POLB: variants seen among roughly 807,000 people sequenced by gnomAD.
The protein encoded by POLB is 5'-dRP lyase.
POLB carries 37 observed loss-of-function variants against 52.7 expected under a neutral mutation model. The observed-to-expected ratio is 0.70, with a 90% CI of 0.54 to 0.92. POLB has a LOEUF of 0.92. Among genes scored for constraint, POLB ranks in the 40% least tolerant of loss-of-function variants. The pLI, the probability that POLB is intolerant of heterozygous loss-of-function variation, is 0.00. For missense variants in POLB, 313 were observed against 400.8 expected, an observed-to-expected ratio of 0.78 and a Z score of 1.87; for synonymous variants, 138 against 131.3, an observed-to-expected ratio of 1.05 and a Z score of -0.35.
At chr8:42,347,254 TACTCCTCAGTA>T (rs1822678706) in intron 3 of POLB, among the ~76,000 whole-genome samples, 1 of 150,464 alleles carries the variant, frequency 6.6e-6, no homozygotes, top group Non-Finnish European at 1.5e-5. Context: ...TTTCTGGAAT[TACTCCTCAGTA>T]ATTCTAGAAA....
intron 13 of POLB, among the ~76,000 whole-genome samples, chr8:42,371,194 G>T (rs1010517085): frequency 3.9e-5 from 6 of 152,166 alleles, no homozygotes; most frequent in Non-Finnish European, 8.8e-5. Flanking sequence ...CACATTCTCG[G>T]CTCACTGCAA....
intron 2 of POLB, chr8:42,341,776 T>G (rs3136722): frequency 2.2e-6 from 1 of 460,360 alleles, no homozygotes; most frequent in South Asian, 2.1e-5. Flanking sequence ...TTTAGCTCTC[T>G]GCAGCCCCCT....
rs1168958189 is a variant in POLB at position 42,357,237 on chromosome 8, A to G, written c.477+14A>G. 5.2e-6 allele frequency: 8 copies of G among 1,529,208 alleles called. No homozygotes were observed. The highest frequency in any genetic ancestry group is 3.4e-5 in the South Asian group (3 of 88,100). The allele number at this position is 1,529,208 out of a possible 1,614,324, so 94.7% of individuals were successfully genotyped here. On this transcript the variant is annotated intron_variant, in intron 8 of 13. Coordinates refer to ENST00000265421, the MANE Select transcript of POLB (RefSeq NM_002690.3). ...TTACAAATGCAAGTAAGATGTGTCAAATTATATTCTTTGATTAGAATTGAG... is the reference window on the plus strand; with the variant it reads ...TTACAAATGCAAGTAAGATGTGTCAGATTATATTCTTTGATTAGAATTGAG...
chr8:42,368,721 T>C (rs1225912853), intron 11 of POLB, among the ~76,000 whole-genome samples: 1 of 152,206 alleles, frequency 6.6e-6, no homozygotes, highest in East Asian at 1.9e-4. Flanking sequence ...TTTCCGTGTC[T>C]TTCTCCCTTC....
At chr8:42,361,043 TTA>T in intron 9 of POLB, 1 of 623,820 alleles carries the variant, frequency 1.6e-6, no homozygotes, top group African/African-American at 1.8e-5. Flanking sequence ...ATACATTAAA[TTA>T]ACTCGTTGTA....
intron 11 of POLB, among the ~76,000 whole-genome samples, chr8:42,365,696 C>T (rs893288836): frequency 1.3e-5 from 2 of 152,226 alleles, no homozygotes; most frequent in Non-Finnish European, 2.9e-5. Flanking sequence ...TAGTTCCACA[C>T]TACCATGGCA....
At chr8:42,361,247 T>C (rs746522437) in intron 9 of POLB, 48 bp from the exon 10 acceptor site, 68 of 1,367,490 alleles carry the variant, frequency 5.0e-5, no homozygotes, top group African/African-American at 7.1e-5. Flanking sequence ...ATTTGCCCAA[T>C]TGATACATTT....
chr8:42,347,846 T>G (rs1442814413), intron 3 of POLB, among the ~76,000 whole-genome samples: 2 of 152,138 alleles, frequency 1.3e-5, no homozygotes, highest in Admixed American at 1.3e-4. Context: ...ATTAAATAAA[T>G]TAAGAATATT....
At chr8:42,365,317 T>G (rs1207603240) in intron 11 of POLB, among the ~76,000 whole-genome samples, 1 of 152,234 alleles carries the variant, frequency 6.6e-6, no homozygotes, top group Non-Finnish European at 1.5e-5. Flanking sequence ...TGATTTGTTC[T>G]CTTGACTCTG....
Position 42,357,542 on chromosome 8 carries a change from A to T in POLB, c.550+150A>T, listed in dbSNP as rs41552615. ...ATTAGTTAAGGGTATTTGTTTATAG[A>T]TGGGAATATGTAACTAGGGGAAATT... On this transcript the variant is annotated intron_variant, in intron 9 of 13. Transcript: ENST00000265421. 3,455 of 518,286 alleles carry T rather than the reference A, an allele frequency of 6.7e-3. 21 individuals carry two copies. Among genetic ancestry groups the T allele is most frequent in the East Asian group, 0.01 (335 of 32,170 alleles). The allele number at this position is 518,286 out of a possible 1,614,324, so 32.1% of individuals were successfully genotyped here.
At chr8:42,363,388 C>T (rs1028047520) in intron 11 of POLB, among the ~76,000 whole-genome samples, 11 of 151,370 alleles carry the variant, frequency 7.3e-5, no homozygotes, top group Non-Finnish European at 1.5e-4. Flanking sequence ...ATTAGCTGGG[C>T]GTGGTGGTGT....
At chr8:42,369,397 C>T (rs1230489937) in intron 12 of POLB, 62 bp downstream of exon 12, 5 of 953,574 alleles carry the variant, frequency 5.2e-6, no homozygotes, top group South Asian at 4.1e-5. Context: ...TTTTCTCCCT[C>T]CCTGTTTGTA....
At chr8:42,344,560 C>A (rs1289412992) in intron 2 of POLB, among the ~76,000 whole-genome samples, 1 of 151,672 alleles carries the variant, frequency 6.6e-6, no homozygotes, top group Non-Finnish European at 1.5e-5. Context: ...TTAGGCCAGG[C>A]GCAGTGGCTC....
chr8:42,361,459 G>C, intron 10 of POLB, 94 bp downstream of exon 10: 1 of 907,338 alleles, frequency 1.1e-6, no homozygotes, highest in Non-Finnish European at 1.8e-6. Flanking sequence ...AATAAGTTTT[G>C]TTTTCGCCTT....
chr8:42,342,422 C>T, intron 2 of POLB: 2 of 1,422,684 alleles, frequency 1.4e-6, no homozygotes, highest in Non-Finnish European at 2.0e-6. Flanking sequence ...ACTATCATAT[C>T]CCCCTCTATA....
chr8:42,349,835 T>G (rs1822860926), intron 4 of POLB, among the ~76,000 whole-genome samples, 172 bp from the exon 5 acceptor site: 1 of 152,242 alleles, frequency 6.6e-6, no homozygotes, highest in Non-Finnish European at 1.5e-5. Context: ...CTTCAGTTAC[T>G]CTGTTATTCA....
Position 42,357,381 on chromosome 8 carries a change from G to A in POLB, c.539G>A (p.Ser180Asn). The stretch of plus-strand genomic sequence containing the variant: ...GAATACATTGCTACAGTCTGTGGCA[G>A]TTTCAGAAGAGGTAACATACTTCCT... ...DSEYIATVCGSFRRGAESSGD... is the reference protein window; with the variant it reads ...DSEYIATVCGNFRRGAESSGD... Residue 180 changes from serine (S) to asparagine (N), a missense_variant, in exon 9 of 14, where the codon AGT (serine) becomes AAT (asparagine). Ser to Asn is a conservative substitution (Grantham distance 46). Transcript: ENST00000265421. 1 of 1,559,118 alleles carries A rather than the reference G, an allele frequency of 6.4e-7. No homozygotes were observed. The highest frequency in any genetic ancestry group is 8.8e-7 in the Non-Finnish European group (1 of 1,130,644).
At chr8:42,370,729 A>G (rs757553944) in intron 13 of POLB, among the ~76,000 whole-genome samples, 4 of 152,170 alleles carry the variant, frequency 2.6e-5, no homozygotes, top group Non-Finnish European at 4.4e-5. Flanking sequence ...GTCACATTGG[A>G]AGAAGAATAA....
At chr8:42,367,426 G>A (rs1824110838) in intron 11 of POLB, among the ~76,000 whole-genome samples, 1 of 152,100 alleles carries the variant, frequency 6.6e-6, no homozygotes, top group Non-Finnish European at 1.5e-5. Flanking sequence ...GGTATCTGAG[G>A]GAAGAGATAG....
Sources: gnomAD v4.1 joint callset for allele counts (sites outside exome capture counted in the v4.1 genomes callset) on GRCh38, gnomAD v4.1.1 for gene constraint, MANE v1.5 for transcripts, NCBI Gene and HGNC (gene_info 2026-07-23, HGNC 2026-07-21) for gene names.